Variants in PTPRM observed in about 807,000 individuals in gnomAD.
PTPRM encodes protein tyrosine phosphatase receptor type M.
Under a neutral mutation model 186.7 loss-of-function variants are expected in PTPRM, and 47 were observed. The observed-to-expected ratio is 0.25, with a 90% CI of 0.20 to 0.32. The LOEUF (loss-of-function observed/expected upper bound fraction) is 0.32. PTPRM is among the 10% of genes least tolerant of loss of function. PTPRM has a pLI of 1.00. For missense variants in PTPRM, 1,494 were observed against 1,865.0 expected, an observed-to-expected ratio of 0.80 and a Z score of 3.66; for synonymous variants, 668 against 674.9, an observed-to-expected ratio of 0.99 and a Z score of 0.16.
intron 2 of PTPRM, among the ~76,000 whole-genome samples, chr18:7,778,786 G>T (rs904786112): frequency 6.6e-6 from 1 of 152,028 alleles, no homozygotes; most frequent in Non-Finnish European, 1.5e-5. Flanking sequence ...AGCCCACAGT[G>T]GGGAAATTTC....
At position 7,568,787 on chromosome 18, in the gene PTPRM, C is replaced by CTG. The variant is rs2036500236; in HGVS notation, c.73+899_73+900dup. 6.6e-6 allele frequency among the ~76,000 whole-genome samples: 1 copy of CTG among 152,180 alleles called. No homozygotes were observed. The highest frequency in any genetic ancestry group is 1.5e-5 in the Non-Finnish European group (1 of 68,032). On this transcript the variant is annotated intron_variant, in intron 1 of 32. Coordinates refer to ENST00000580170, the MANE Select transcript of PTPRM (RefSeq NM_001105244.2). The surrounding 1 kb of genome is among the most constrained non-coding windows in gnomAD (Gnocchi z 5.1). Reference sequence around the variant, plus strand: ...CAGAGGAACCCCTCACGGAGAGGATCTGTGGATCGGAGTCGGGGGTCCGGC... The same window carrying CTG: ...CAGAGGAACCCCTCACGGAGAGGATCTGTGTGGATCGGAGTCGGGGGTCCGGC...
chr18:7,730,156 G>A (rs2040628587), intron 1 of PTPRM, among the ~76,000 whole-genome samples: 1 of 152,100 alleles, frequency 6.6e-6, no homozygotes, highest in Non-Finnish European at 1.5e-5. Context: ...ATACTAAAAT[G>A]CATGATAACT....
At chr18:7,717,797 C>G (rs558244270) in intron 1 of PTPRM, among the ~76,000 whole-genome samples, 1 of 152,212 alleles carries the variant, frequency 6.6e-6, no homozygotes, top group Non-Finnish European at 1.5e-5. Context: ...CCAGCACCCA[C>G]TCACCTGTGT....
intron 23 of PTPRM, among the ~76,000 whole-genome samples, chr18:8,361,924 A>G (rs1178879009): frequency 6.6e-6 from 1 of 152,230 alleles, no homozygotes; most frequent in Non-Finnish European, 1.5e-5. Context: ...TCTATCTAGA[A>G]GAAAAGAATA....
At chr18:7,633,181 G>A (rs1011825840) in intron 1 of PTPRM, among the ~76,000 whole-genome samples, 5 of 152,116 alleles carry the variant, frequency 3.3e-5, no homozygotes, top group African/African-American at 7.2e-5. Flanking sequence ...TGTGTAAGTC[G>A]GCTTTTTAGT....
At chr18:7,929,096 G>C (rs1017190859) in intron 5 of PTPRM, among the ~76,000 whole-genome samples, 6 of 152,084 alleles carry the variant, frequency 3.9e-5, no homozygotes, top group African/African-American at 1.4e-4. Context: ...TCTAGGGTGG[G>C]GCCCAGCGTG....
chr18:7,957,020 GT>G lies in PTPRM; in HGVS notation c.1132+1608del, dbSNP rs1199660289. 2.6e-5 allele frequency among the ~76,000 whole-genome samples: 4 copies of G among 152,258 alleles called. No individual in the cohort carries two copies. The East Asian group carries it at 5.8e-4, about 22-fold the overall frequency. ...AAGTTTAGTGTTATTTCACTTTAGT[GT>G]TAAGAATTCCTGTTTTGGGCATGGC... On this transcript the variant is annotated intron_variant, in intron 7 of 32. Transcript: ENST00000580170.
At chr18:8,379,431 C>A in intron 28 of PTPRM, 91 bp downstream of exon 28, 2 of 1,297,398 alleles carry the variant, frequency 1.5e-6, no homozygotes, top group Non-Finnish European at 2.0e-6. Context: ...TGCTCACCAG[C>A]CCTTTTGTTT....
At chr18:7,952,902 A>G (rs1343681498) in intron 6 of PTPRM, among the ~76,000 whole-genome samples, 1 of 152,096 alleles carries the variant, frequency 6.6e-6, no homozygotes, top group Non-Finnish European at 1.5e-5. Context: ...GCTACTCAGG[A>G]GGCTGGGGCT....
chr18:8,151,474 G>GCC (rs200976824), intron 14 of PTPRM, among the ~76,000 whole-genome samples: 139 of 67,218 alleles, frequency 2.1e-3, no homozygotes, highest in African/African-American at 6.4e-3. Flanking sequence ...GCACCCCACC[G>GCC]CCCCCCCCCG....
chr18:8,194,135 T>C (rs569418138), intron 14 of PTPRM, among the ~76,000 whole-genome samples: 15 of 152,244 alleles, frequency 9.9e-5, no homozygotes, highest in Non-Finnish European at 1.6e-4. Flanking sequence ...TTTATGTGTC[T>C]AAACACCACA....
At chr18:8,142,335 A>G (rs1055727993) in intron 13 of PTPRM, among the ~76,000 whole-genome samples, 2 of 152,036 alleles carry the variant, frequency 1.3e-5, no homozygotes, top group African/African-American at 4.8e-5. Context: ...CCTGACCTTG[A>G]CTCACTTCCT....
chr18:7,816,277 C>T (rs971872534), intron 2 of PTPRM, among the ~76,000 whole-genome samples: 32 of 152,176 alleles, frequency 2.1e-4, no homozygotes, highest in African/African-American at 7.7e-4. Context: ...TCTCAGAGTT[C>T]ATATGGCATA....
intron 1 of PTPRM, among the ~76,000 whole-genome samples, chr18:7,676,692 CGT>C (rs1487776617): frequency 1.3e-5 from 2 of 149,664 alleles, no homozygotes; most frequent in Non-Finnish European, 3.0e-5. Context: ...TGTGTGTGCG[CGT>C]GCACGCGCAC....
intron 7 of PTPRM, among the ~76,000 whole-genome samples, chr18:8,036,199 T>G (rs919512089): frequency 1.3e-5 from 2 of 152,202 alleles, no homozygotes. Flanking sequence ...TAAAAATTAT[T>G]GTGTTTGGTT....
At chr18:8,191,647 C>A (rs1344058494) in intron 14 of PTPRM, among the ~76,000 whole-genome samples, 1 of 152,038 alleles carries the variant, frequency 6.6e-6, no homozygotes, top group African/African-American at 2.4e-5. Context: ...ACACACACAC[C>A]CAAGAAGGAT....
rs142466030 is a variant in PTPRM at position 8,143,572 on chromosome 18, G to A, written c.2168-75G>A. On this transcript the variant is annotated intron_variant, in intron 13 of 32. Coordinates refer to ENST00000580170, the MANE Select transcript of PTPRM (RefSeq NM_001105244.2). ...GTCTTATTACTCTGTTAAATGCAGC[G>A]AAATTTTTTAAACTGTGGCATCTTT... 279 of 1,487,880 alleles carry A rather than the reference G, an allele frequency of 1.9e-4. 1 individual carries two copies. The highest frequency in any genetic ancestry group is 1.3e-3 in the Admixed American group (70 of 55,624). 92.2% of individuals were successfully genotyped at this position (1,487,880 alleles called of 1,614,324 possible). A position where few individuals can be genotyped will look rare whatever the true frequency, so the allele number is the denominator to read the frequency against.
chr18:8,208,136 A>T (rs1178863838), intron 14 of PTPRM, among the ~76,000 whole-genome samples: 1 of 152,106 alleles, frequency 6.6e-6, no homozygotes, highest in African/African-American at 2.4e-5. Context: ...GCTCTTTCAG[A>T]CTCCTGCAGG....
chr18:8,126,679 G>T (rs2092372610), intron 13 of PTPRM, among the ~76,000 whole-genome samples: 1 of 152,078 alleles, frequency 6.6e-6, no homozygotes, highest in Non-Finnish European at 1.5e-5. Context: ...GTCCTTCTGG[G>T]GACCCAAGGT....
Sources: gnomAD v4.1 joint callset for allele counts (sites outside exome capture counted in the v4.1 genomes callset) on GRCh38, gnomAD v4.1.1 for gene constraint, Gnocchi (gnomAD v3.1) non-coding constraint, MANE v1.5 for transcripts, NCBI Gene and HGNC (gene_info 2026-07-23, HGNC 2026-07-21) for gene names.